The following KIAA1217 variants were observed in gnomAD, a reference collection of about 807,000 sequenced individuals.
KIAA1217 encodes sickle tail protein homolog.
In KIAA1217, 88 loss-of-function variants were observed where a neutral mutation model predicts 163.9. That is an observed-to-expected ratio of 0.54 (90% confidence interval 0.45 to 0.64). KIAA1217 has a LOEUF of 0.64. KIAA1217 is among the 30% of genes least tolerant of loss of function. KIAA1217 has a pLI of 0.00. For synonymous variants in KIAA1217, 903 were observed against 923.1 expected, an observed-to-expected ratio of 0.98 and a Z score of 0.39; for missense variants, 2,372 against 2,475.0, an observed-to-expected ratio of 0.96 and a Z score of 0.88.
intron 2 of KIAA1217, among the ~76,000 whole-genome samples, chr10:24,248,565 G>T (rs11013989): frequency 2.0e-5 from 3 of 151,152 alleles, no homozygotes; most frequent in African/African-American, 2.4e-5. Flanking sequence ...CAGCTACTAG[G>T]GGGGCTGAGA....
At chr10:24,404,579 A>C (rs1366754177) in intron 3 of KIAA1217, among the ~76,000 whole-genome samples, 2 of 147,472 alleles carry the variant, frequency 1.4e-5, no homozygotes, top group African/African-American at 2.6e-5. Context: ...AAAAAAAAAA[A>C]AAAAAAAAAA....
rs544529159 is a variant in KIAA1217, at chr10:23,997,643, C to A, written c.-320-9582C>A. On this transcript the variant is annotated intron_variant, in intron 1 of 18. Coordinates refer to the KIAA1217 transcript ENST00000376462. ...GTCATTTTATTCCTTGGAATTCAAA[C>A]ATATACTTTACATCTAATTCTAGAT... Among the ~76,000 whole-genome samples, 6 of 152,326 alleles carry A rather than the reference C, an allele frequency of 3.9e-5. No homozygotes were observed. In the South Asian group the frequency reaches 1.2e-3, roughly 32 times the overall value.
intron 5 of KIAA1217, among the ~76,000 whole-genome samples, chr10:24,449,216 T>C (rs1014495755): frequency 2.6e-5 from 4 of 152,216 alleles, no homozygotes; most frequent in Non-Finnish European, 5.9e-5. Context: ...TATAAAGTCT[T>C]ATTTTTTAGA....
chr10:24,423,711 G>C (rs1429933671), intron 3 of KIAA1217, among the ~76,000 whole-genome samples: 1 of 152,070 alleles, frequency 6.6e-6, no homozygotes, highest in Non-Finnish European at 1.5e-5. Context: ...GCCCACCTCA[G>C]TTTTAGTAGA....
At chr10:23,839,350 T>G (rs1838657332) in intron 1 of KIAA1217, among the ~76,000 whole-genome samples, 1 of 152,214 alleles carries the variant, frequency 6.6e-6, no homozygotes, top group Non-Finnish European at 1.5e-5. Context: ...AGATGACATT[T>G]CTCTTTTTTG....
intron 2 of KIAA1217, among the ~76,000 whole-genome samples, chr10:24,299,268 G>A (rs943408840): frequency 6.6e-6 from 1 of 152,064 alleles, no homozygotes; most frequent in African/African-American, 2.4e-5. Context: ...ACCAACTTAG[G>A]TTTGACCTGA....
chr10:24,444,668 A>G (rs2060776527), intron 5 of KIAA1217, among the ~76,000 whole-genome samples: 1 of 152,212 alleles, frequency 6.6e-6, no homozygotes, highest in Non-Finnish European at 1.5e-5. Flanking sequence ...ATTTTCTATC[A>G]TTAATGAGGA....
intron 2 of KIAA1217, among the ~76,000 whole-genome samples, chr10:24,045,068 AC>A (rs889213438): frequency 2.0e-5 from 3 of 152,162 alleles, no homozygotes; most frequent in African/African-American, 4.8e-5. Flanking sequence ...TGTCCAAAAA[AC>A]ATCTTTATTT....
intron 9 of KIAA1217, among the ~76,000 whole-genome samples, chr10:24,504,736 A>T (rs1209347030): frequency 1.3e-5 from 2 of 152,242 alleles, no homozygotes; most frequent in Admixed American, 1.3e-4. Context: ...TAATTAGATA[A>T]TTAAATCATT....
intron 13 of KIAA1217, among the ~76,000 whole-genome samples, chr10:24,527,421 C>G (rs1242665747): frequency 6.8e-6 from 1 of 147,594 alleles, no homozygotes; most frequent in African/African-American, 2.5e-5. Context: ...AGACTCATGT[C>G]TCACTCAGGG....
chr10:24,010,345 A>G (rs1381476744), intron 2 of KIAA1217, among the ~76,000 whole-genome samples: 1 of 152,190 alleles, frequency 6.6e-6, no homozygotes, highest in Non-Finnish European at 1.5e-5. Context: ...TTGGAAAACT[A>G]CAATGCTCTA....
intron 2 of KIAA1217, among the ~76,000 whole-genome samples, chr10:24,221,961 C>A (rs1250802622): frequency 6.6e-6 from 1 of 151,996 alleles, no homozygotes. Context: ...CACTGAAGCC[C>A]CAAAATGAGA....
At chr10:24,433,527 G>A (rs7900470) in intron 4 of KIAA1217, among the ~76,000 whole-genome samples, 8 of 150,808 alleles carry the variant, frequency 5.3e-5, no homozygotes, top group Non-Finnish European at 1.0e-4. Context: ...AAATTTCTCC[G>A]CCACAGATTT....
At chr10:23,938,271 G>A (rs1319279997) in intron 1 of KIAA1217, among the ~76,000 whole-genome samples, 1 of 150,672 alleles carries the variant, frequency 6.6e-6, no homozygotes, top group Admixed American at 6.6e-5. Flanking sequence ...GATGGGTATT[G>A]AGCCAGGCAA....
At chr10:23,701,264 T>A (rs1836430437) in intron 1 of KIAA1217, among the ~76,000 whole-genome samples, 1 of 152,204 alleles carries the variant, frequency 6.6e-6, no homozygotes, top group African/African-American at 2.4e-5. Flanking sequence ...TCCCAATGGC[T>A]GTTTACATCT....
intron 2 of KIAA1217, among the ~76,000 whole-genome samples, chr10:24,092,065 A>G (rs1200039897): frequency 6.6e-6 from 1 of 151,284 alleles, no homozygotes; most frequent in Non-Finnish European, 1.5e-5. Context: ...CTTCCTCCCC[A>G]ACGTCCTTCT....
chr10:23,848,875 T>A (rs1839170854), intron 1 of KIAA1217, among the ~76,000 whole-genome samples: 1 of 152,242 alleles, frequency 6.6e-6, no homozygotes, highest in South Asian at 2.1e-4. Context: ...GCAGCACTAT[T>A]TACCTCATCC....
chr10:24,294,564 G>T (rs1252311724), intron 2 of KIAA1217, among the ~76,000 whole-genome samples: 1 of 152,220 alleles, frequency 6.6e-6, no homozygotes, highest in African/African-American at 2.4e-5. Context: ...AGACCACCGT[G>T]TATGCATTTA....
chr10:24,079,919 A>G (rs1168070804), intron 2 of KIAA1217, among the ~76,000 whole-genome samples: 1 of 152,222 alleles, frequency 6.6e-6, no homozygotes, highest in Non-Finnish European at 1.5e-5. Flanking sequence ...ATCCTGGCAC[A>G]TCCAAGACTG....
Sources: gnomAD v4.1 joint callset for allele counts (sites outside exome capture counted in the v4.1 genomes callset) on GRCh38, gnomAD v4.1.1 for gene constraint, MANE v1.5 for transcripts, NCBI Gene and HGNC (gene_info 2026-07-23, HGNC 2026-07-21) for gene names.